Variants in VPS50 observed in about 807,000 individuals in gnomAD.
VPS50 encodes VPS50 subunit of EARP/GARPII complex.
Under a neutral mutation model 139.7 loss-of-function variants are expected in VPS50, and 70 were observed. The ratio of observed to expected loss-of-function variants is 0.50; its 90% CI spans 0.41 to 0.61. The LOEUF (loss-of-function observed/expected upper bound fraction) is 0.61, where lower values mean the gene tolerates loss of function less well. Ranked by LOEUF, VPS50 falls within the 20% of genes least tolerant of loss-of-function variation. The probability of loss-of-function intolerance (pLI) is 0.00; values close to 1 mark genes in which losing one functional copy is unlikely to be tolerated. For missense variants in VPS50, 921 were observed against 1,133.7 expected (o/e 0.81, Z 2.69); for synonymous variants, 365 against 376.7 (o/e 0.97, Z 0.36).
intron 9 of VPS50, among the ~76,000 whole-genome samples, chr7:93,265,897 GAAGTT>G (rs1240797736): frequency 6.6e-6 from 1 of 152,166 alleles, no homozygotes; most frequent in Non-Finnish European, 1.5e-5. Flanking sequence ...AGAGTTAAGT[GAAGTT>G]AAGTGAAGAC....
chr7:93,296,037 T>C (rs1796800540), intron 14 of VPS50, among the ~76,000 whole-genome samples: 1 of 152,246 alleles, frequency 6.6e-6, no homozygotes, highest in Admixed American at 6.5e-5. Flanking sequence ...GACCATCTTT[T>C]ATAGGATATG....
At chr7:93,257,852 T>C (rs1031428389) in intron 6 of VPS50, 5 of 247,252 alleles carry the variant, frequency 2.0e-5, no homozygotes, top group African/African-American at 1.1e-4. Flanking sequence ...ATTTTTTTAA[T>C]TATTAGAGTC....
chr7:93,309,034 AT>A (rs1199516531), intron 19 of VPS50, 92 bp downstream of exon 19: 189 of 584,268 alleles, frequency 3.2e-4, no homozygotes, highest in South Asian at 5.5e-4. Flanking sequence ...AACAAAAATT[AT>A]TTTTTTTGGT....
intron 22 of VPS50, among the ~76,000 whole-genome samples, chr7:93,335,972 A>G (rs1474472331): frequency 6.6e-6 from 1 of 152,206 alleles, no homozygotes; most frequent in South Asian, 2.1e-4. Context: ...TTTAGAAAAT[A>G]TATTTGTCAT....
intron 19 of VPS50, among the ~76,000 whole-genome samples, chr7:93,309,587 T>A (rs1218903449): frequency 6.6e-6 from 1 of 151,932 alleles, no homozygotes; most frequent in African/African-American, 2.4e-5. Context: ...GAGTTCTTGC[T>A]TCAATCTTAT....
chr7:93,271,326 G>A, intron 10 of VPS50, 64 bp downstream of exon 10: 2 of 1,456,058 alleles, frequency 1.4e-6, no homozygotes, highest in Non-Finnish European at 1.8e-6. Context: ...AATAGCCTAG[G>A]TGCAACATTG....
intron 26 of VPS50, among the ~76,000 whole-genome samples, chr7:93,355,539 A>G (rs1317873495): frequency 1.3e-5 from 2 of 152,214 alleles, no homozygotes; most frequent in African/African-American, 2.4e-5. Context: ...TTCAAAGCTT[A>G]GTTTTTATAA....
At chr7:93,301,297 G>GA (rs759682829) in intron 16 of VPS50, among the ~76,000 whole-genome samples, 2,382 of 123,738 alleles carry the variant, frequency 0.019, 73 homozygotes, top group African/African-American at 0.063. Flanking sequence ...ACTCTGTCTT[G>GA]AAAAAAAAAA....
chr7:93,340,509 A>G (rs1798182816), intron 22 of VPS50: 1 of 152,182 alleles, frequency 6.6e-6, no homozygotes, highest in African/African-American at 2.4e-5. Context: ...AGAGCTTAGT[A>G]AAAAATGAGT....
At chr7:93,346,706 G>C (rs985560151) in intron 23 of VPS50, among the ~76,000 whole-genome samples, 3 of 148,686 alleles carry the variant, frequency 2.0e-5, no homozygotes, top group African/African-American at 7.6e-5. Flanking sequence ...ACAAACCTGA[G>C]AAAAACAAGC....
intron 25 of VPS50, among the ~76,000 whole-genome samples, chr7:93,351,132 G>C (rs557354045): frequency 6.6e-6 from 1 of 152,010 alleles, no homozygotes; most frequent in African/African-American, 2.4e-5. Flanking sequence ...CCAGACTCCG[G>C]GACTAATTGT....
intron 20 of VPS50, chr7:93,320,368 T>C (rs1797571814): frequency 6.6e-6 from 1 of 151,722 alleles, no homozygotes; most frequent in African/African-American, 2.4e-5. Context: ...TTTTCTTTTT[T>C]TTTTTAGACG....
chr7:93,282,168 C>T (rs981796031), intron 12 of VPS50, among the ~76,000 whole-genome samples: 2 of 151,060 alleles, frequency 1.3e-5, no homozygotes, highest in African/African-American at 4.9e-5. Flanking sequence ...TGCGCCACTG[C>T]ACTCCAGCCT....
At chr7:93,302,885 T>C (rs1157184231) in intron 16 of VPS50, among the ~76,000 whole-genome samples, 1 of 151,974 alleles carries the variant, frequency 6.6e-6, no homozygotes, top group Admixed American at 6.6e-5. Flanking sequence ...AGAAAAGAGA[T>C]CAGTATGGTG....
intron 2 of VPS50, among the ~76,000 whole-genome samples, chr7:93,252,177 A>G (rs1226122511): frequency 3.3e-5 from 5 of 152,184 alleles, no homozygotes; most frequent in Non-Finnish European, 7.3e-5. Context: ...ACTGTTTCTT[A>G]GCTGAGTACT....
chr7:93,302,518 G>A (rs1242553251), intron 16 of VPS50, among the ~76,000 whole-genome samples: 11 of 150,476 alleles, frequency 7.3e-5, no homozygotes, highest in Admixed American at 7.3e-4. Context: ...TTCTTTTATT[G>A]TTTTTCTTAT....
At chr7:93,331,891 A>T (rs754392916) in intron 21 of VPS50, among the ~76,000 whole-genome samples, 28 of 152,214 alleles carry the variant, frequency 1.8e-4, no homozygotes, top group Admixed American at 5.9e-4. Flanking sequence ...CAACCCACGT[A>T]AAAAATGGGA....
intron 20 of VPS50, among the ~76,000 whole-genome samples, chr7:93,314,721 C>T (rs1797372363): frequency 6.6e-6 from 1 of 152,052 alleles, no homozygotes; most frequent in South Asian, 2.1e-4. Context: ...TAAAATGAAA[C>T]TAGGATATGT....
intron 9 of VPS50, among the ~76,000 whole-genome samples, chr7:93,270,478 T>C (rs1376125631): frequency 6.6e-6 from 1 of 152,102 alleles, no homozygotes; most frequent in African/African-American, 2.4e-5. Context: ...TTTTATTTTA[T>C]GAATGTATCA....
Sources: gnomAD v4.1 joint callset for allele counts (sites outside exome capture counted in the v4.1 genomes callset) on GRCh38, gnomAD v4.1.1 for gene constraint, MANE v1.5 for transcripts, NCBI Gene and HGNC (gene_info 2026-07-23, HGNC 2026-07-21) for gene names.